CTNNA3: variants seen among roughly 807,000 people sequenced by gnomAD.
The protein encoded by CTNNA3 is catenin alpha 3.
CTNNA3 carries 76 observed loss-of-function variants against 95.7 expected under a neutral mutation model. The observed-to-expected ratio is 0.79, with a 90% CI of 0.66 to 0.96. The LOEUF is 0.96. Ranked by LOEUF, CTNNA3 falls within the 40% of genes least tolerant of loss-of-function variation. The pLI is 0.00. For synonymous variants in CTNNA3, 431 were observed against 374.4 expected (o/e 1.15, Z -1.74); for missense variants, 1,191 against 1,089.8 (o/e 1.09, Z -1.31).
intron 9 of CTNNA3, among the ~76,000 whole-genome samples, chr10:66,667,217 A>C (rs1360888808): frequency 6.6e-6 from 1 of 151,482 alleles, no homozygotes; most frequent in Non-Finnish European, 1.5e-5. Flanking sequence ...TTTTGTTACT[A>C]TAAGAGCACA....
chr10:67,124,358 G>GTA (rs1258305196), intron 7 of CTNNA3, among the ~76,000 whole-genome samples: 5 of 151,416 alleles, frequency 3.3e-5, no homozygotes, highest in Non-Finnish European at 1.5e-5. Flanking sequence ...GTGTGTGTGT[G>GTA]TGTGTGTGTG....
intron 15 of CTNNA3, among the ~76,000 whole-genome samples, chr10:66,002,923 C>T (rs1160021986): frequency 2.6e-5 from 4 of 152,084 alleles, no homozygotes; most frequent in East Asian, 3.9e-4. Context: ...GCACATGATC[C>T]CAGGGGTGCT....
At chr10:66,729,818 T>C (rs1288077916) in intron 9 of CTNNA3, among the ~76,000 whole-genome samples, 2 of 152,096 alleles carry the variant, frequency 1.3e-5, no homozygotes, top group Non-Finnish European at 2.9e-5. Context: ...AATCATTCTA[T>C]TATAGGCCAG....
At chr10:67,261,245 C>T (rs1866595629) in intron 5 of CTNNA3, among the ~76,000 whole-genome samples, 2 of 152,042 alleles carry the variant, frequency 1.3e-5, no homozygotes. Flanking sequence ...CAAATGAACA[C>T]AAAAGGTATC....
chr10:66,181,412 T>G (rs2086031149), intron 13 of CTNNA3, among the ~76,000 whole-genome samples: 1 of 152,178 alleles, frequency 6.6e-6, no homozygotes, highest in Non-Finnish European at 1.5e-5. Context: ...CACCTTCAAA[T>G]AATACAATAA....
intron 13 of CTNNA3, among the ~76,000 whole-genome samples, chr10:66,187,507 T>A (rs2086407363): frequency 1.3e-5 from 2 of 151,230 alleles, no homozygotes; most frequent in South Asian, 4.2e-4. Flanking sequence ...ATGTTGAGCT[T>A]CTGTGCAAGC....
rs532337541 is a variant in CTNNA3, at chr10:67,489,557, G to T, written c.579+32285C>A. Among the ~76,000 whole-genome samples, 6 of 152,110 alleles carry T rather than the reference G, an allele frequency of 3.9e-5. No individual in the cohort carries two copies. The South Asian group carries it at 1.0e-3, about 26-fold the overall frequency. On this transcript the variant is annotated intron_variant, in intron 5 of 17. Transcript: ENST00000433211. ...AAGCACCTTGGCCCACCTTCTCAGGGGCTTAGATAAGTATCTGGAAAAAAA... is the reference window on the plus strand; with the variant it reads ...AAGCACCTTGGCCCACCTTCTCAGGTGCTTAGATAAGTATCTGGAAAAAAA...
intron 10 of CTNNA3, among the ~76,000 whole-genome samples, chr10:66,598,294 A>C (rs916254993): frequency 3.3e-5 from 5 of 152,118 alleles, no homozygotes; most frequent in African/African-American, 1.2e-4. Flanking sequence ...ACAAATCCAC[A>C]GCTAACATCA....
intron 12 of CTNNA3, among the ~76,000 whole-genome samples, chr10:66,296,244 C>T (rs1159029756): frequency 6.6e-6 from 1 of 151,958 alleles, no homozygotes; most frequent in Non-Finnish European, 1.5e-5. Context: ...GATGAAATTG[C>T]CCTGTCAGAA....
At chr10:65,990,396 T>G (rs930045211) in intron 15 of CTNNA3, among the ~76,000 whole-genome samples, 1 of 151,068 alleles carries the variant, frequency 6.6e-6, no homozygotes, top group Non-Finnish European at 1.5e-5. Context: ...CATCTGTTTT[T>G]TTTTTTTTCC....
chr10:65,935,612 T>G (rs770304115), intron 17 of CTNNA3, among the ~76,000 whole-genome samples: 1 of 152,194 alleles, frequency 6.6e-6, no homozygotes, highest in Non-Finnish European at 1.5e-5. Context: ...ATGTGGTGAA[T>G]GCTAATGTTT....
At position 65,985,144 on chromosome 10, in the gene CTNNA3, GTTC is replaced by G. The variant is rs1029399627; in HGVS notation, c.2265+3545_2265+3547del. Among the ~76,000 whole-genome samples the G allele has an allele frequency of 2.3e-4, 35 of 150,968 alleles. 1 individual carries two copies. The highest frequency in any genetic ancestry group is 8.0e-4 in the African/African-American group (33 of 41,330). On this transcript the variant is annotated intron_variant, in intron 16 of 17. Coordinates refer to ENST00000433211, the MANE Select transcript of CTNNA3 (RefSeq NM_013266.4). ...CAAATACAATATTTAATAGGAGAGA[GTTC>G]TTCATTTTCCAAGAGAGTATAAACA... is the stretch of plus-strand genomic sequence containing the variant.
At chr10:66,997,247 G>A (rs1417386770) in intron 7 of CTNNA3, among the ~76,000 whole-genome samples, 2 of 152,122 alleles carry the variant, frequency 1.3e-5, no homozygotes, top group African/African-American at 4.8e-5. Context: ...TTCATAGGCA[G>A]AGGTCTTATA....
intron 3 of CTNNA3, among the ~76,000 whole-genome samples, chr10:67,540,693 T>A (rs960762779): frequency 6.6e-6 from 1 of 151,976 alleles, no homozygotes; most frequent in South Asian, 2.1e-4. Context: ...ACAGATTTTA[T>A]AAGAAAACAT....
At chr10:67,492,632 T>C (rs2133082253) in intron 5 of CTNNA3, among the ~76,000 whole-genome samples, 1 of 152,330 alleles carries the variant, frequency 6.6e-6, no homozygotes, top group African/African-American at 2.4e-5. Context: ...AAGTCTACAT[T>C]AGATTAATCA....
intron 5 of CTNNA3, among the ~76,000 whole-genome samples, chr10:67,345,760 T>G (rs1258552507): frequency 6.6e-6 from 1 of 152,012 alleles, no homozygotes; most frequent in Non-Finnish European, 1.5e-5. Context: ...GATCAATGGG[T>G]CTTATTTTTT....
intron 3 of CTNNA3, among the ~76,000 whole-genome samples, chr10:67,558,931 G>A (rs2133250642): frequency 6.6e-6 from 1 of 152,332 alleles, no homozygotes; most frequent in South Asian, 2.1e-4. Context: ...AGCGAGGCTG[G>A]GGGAGGGGTG....
rs189622749 is a variant in CTNNA3 at position 66,877,855 on chromosome 10, A to G, written c.1048-102331T>C. 4.6e-5 allele frequency among the ~76,000 whole-genome samples: 7 copies of G among 152,252 alleles called. No individual in the cohort carries two copies. The East Asian group carries it at 1.4e-3, about 29-fold the overall frequency. On this transcript the variant is annotated intron_variant, in intron 7 of 17. Transcript: ENST00000433211. ...ACCCAGATCTAACCCAGAGACAAGG[A>G]AAGTTTGTTTATAATCCAGATTTAT...
intron 13 of CTNNA3, among the ~76,000 whole-genome samples, chr10:66,149,455 A>G (rs1257982136): frequency 6.6e-6 from 1 of 151,346 alleles, no homozygotes; most frequent in Non-Finnish European, 1.5e-5. Flanking sequence ...CATAACTATT[A>G]ACTAATAACT....
Sources: allele counts gnomAD v4.1 joint callset (sites outside exome capture counted in the v4.1 genomes callset), GRCh38; gene constraint gnomAD v4.1.1; transcripts MANE v1.5; gene names NCBI Gene and HGNC (gene_info 2026-07-23, HGNC 2026-07-21).